The following FGF10 variants were observed in gnomAD, a reference collection of about 807,000 sequenced individuals.
The protein encoded by FGF10 is fibroblast growth factor 10, also known as FGF-10.
A neutral mutation model predicts 19.8 loss-of-function variants in FGF10; 2 were observed. The ratio of observed to expected loss-of-function variants is 0.10; its 90% confidence interval spans 0.04 to 0.32. The LOEUF (loss-of-function observed/expected upper bound fraction) is 0.32. FGF10 is among the 10% of genes least tolerant of loss of function. The pLI is 1.00. For synonymous variants in FGF10, 112 were observed against 94.0 expected (o/e 1.19, Z -1.10); for missense variants, 191 against 246.3 (o/e 0.78, Z 1.50).
chr5:44,337,585 A>G (rs909549812), intron 1 of FGF10, among the ~76,000 whole-genome samples: 2 of 152,212 alleles, frequency 1.3e-5, no homozygotes, highest in African/African-American at 4.8e-5. Context: ...ACATTTTTCT[A>G]TGCGTGAAGC....
chr5:44,368,140 A>G (rs948355384), intron 1 of FGF10, among the ~76,000 whole-genome samples: 16 of 152,094 alleles, frequency 1.1e-4, no homozygotes, highest in African/African-American at 3.1e-4. Context: ...TACTAATTCA[A>G]TCAGAGTGCC....
chr5:44,334,716 C>T (rs1740807925), intron 1 of FGF10, among the ~76,000 whole-genome samples: 1 of 152,062 alleles, frequency 6.6e-6, no homozygotes, highest in African/African-American at 2.4e-5. Context: ...ATGCTCTTTT[C>T]ACTAGCTCTA....
chr5:44,376,995 A>G (rs1377155461), intron 1 of FGF10, among the ~76,000 whole-genome samples: 1 of 152,184 alleles, frequency 6.6e-6, no homozygotes, highest in African/African-American at 2.4e-5. Context: ...TCCCTCTCAC[A>G]TGATACCACC....
intron 1 of FGF10, among the ~76,000 whole-genome samples, chr5:44,375,568 T>C (rs1334354251): frequency 6.6e-6 from 1 of 152,098 alleles, no homozygotes; most frequent in Non-Finnish European, 1.5e-5. Context: ...GAGGGTCTTA[T>C]ATGACATGTG....
intron 1 of FGF10, among the ~76,000 whole-genome samples, chr5:44,381,255 G>A (rs370518251): frequency 2.0e-5 from 3 of 152,102 alleles, no homozygotes; most frequent in African/African-American, 4.8e-5. Flanking sequence ...CTGCAGAATC[G>A]AAATGAGAAG....
intron 1 of FGF10, among the ~76,000 whole-genome samples, chr5:44,319,416 A>G (rs1349290117): frequency 6.6e-6 from 1 of 152,192 alleles, no homozygotes. Flanking sequence ...TTTAAGGAAA[A>G]TAATAAAATG....
At chr5:44,321,938 G>T (rs1467732490) in intron 1 of FGF10, among the ~76,000 whole-genome samples, 1 of 151,980 alleles carries the variant, frequency 6.6e-6, no homozygotes, top group Non-Finnish European at 1.5e-5. Flanking sequence ...AATTTTTGTG[G>T]TTTTAGTAGA....
intron 1 of FGF10, among the ~76,000 whole-genome samples, chr5:44,372,086 C>A (rs1741753416): frequency 6.6e-6 from 1 of 152,260 alleles, no homozygotes; most frequent in Middle Eastern, 3.4e-3. Flanking sequence ...GAAATTTATT[C>A]TCTCACAGTT....
rs368102364 is a variant in FGF10, at chr5:44,387,176, A to G, written c.325+1182T>C. 3.0e-4 allele frequency among the ~76,000 whole-genome samples: 46 copies of G among 152,324 alleles called. No individual in the cohort carries two copies. The South Asian group carries it at 9.5e-3, about 32-fold the overall frequency. On this transcript the variant is annotated intron_variant, in intron 1 of 2. Transcript: ENST00000264664. ...CCTTTCACATAACAATCAATAGTGG[A>G]TGAATAAGTCTCACCACTTGAAAGT...
At chr5:44,372,992 T>C (rs543911527) in intron 1 of FGF10, among the ~76,000 whole-genome samples, 9 of 152,330 alleles carry the variant, frequency 5.9e-5, no homozygotes, top group African/African-American at 2.2e-4. Context: ...AGCTATCATG[T>C]GTTTGCAGCT....
Position 44,342,620 on chromosome 5 carries a change from A to G in FGF10, c.326-32090T>C, listed in dbSNP as rs542928444. Among the ~76,000 whole-genome samples, 10 of 152,006 alleles carry G rather than the reference A, an allele frequency of 6.6e-5. No individual in the cohort carries two copies. The South Asian group carries it at 2.1e-3, about 32-fold the overall frequency. ...ACCACAGGCAGGAGGAAGACAGAGT[A>G]CCCTTACATAAAGGGAATGAAAATA... On this transcript the variant is annotated intron_variant, in intron 1 of 2. Coordinates refer to ENST00000264664, the MANE Select transcript of FGF10 (RefSeq NM_004465.2).
At chr5:44,312,147 T>C (rs138439006) in intron 1 of FGF10, among the ~76,000 whole-genome samples, 1 of 151,994 alleles carries the variant, frequency 6.6e-6, no homozygotes, top group African/African-American at 2.4e-5. Context: ...GAGACATTAT[T>C]TGTGTTTTTT....
chr5:44,305,309 T>A, intron 2 of FGF10, 117 bp from the exon 3 acceptor site: 1 of 860,300 alleles, frequency 1.2e-6, no homozygotes, highest in Non-Finnish European at 1.9e-6. Context: ...CATTTGTACC[T>A]AAGTTGTGCA....
chr5:44,313,531 G>C (rs1395091881), intron 1 of FGF10, among the ~76,000 whole-genome samples: 6 of 150,902 alleles, frequency 4.0e-5, no homozygotes, highest in African/African-American at 7.3e-5. Context: ...ATCTCCCCGT[G>C]TTTCTTACAA....
intron 1 of FGF10, among the ~76,000 whole-genome samples, chr5:44,325,694 T>C (rs989835542): frequency 2.2e-5 from 3 of 136,572 alleles, no homozygotes; most frequent in East Asian, 2.1e-4. Context: ...ATGAGAACAT[T>C]TGGACACAGG....
At chr5:44,344,091 G>A (rs538570957) in intron 1 of FGF10, among the ~76,000 whole-genome samples, 1 of 151,844 alleles carries the variant, frequency 6.6e-6, no homozygotes, top group African/African-American at 2.4e-5. Context: ...CCAGACATAG[G>A]GGCCAACAGA....
At chr5:44,343,891 G>T (rs1360859293) in intron 1 of FGF10, among the ~76,000 whole-genome samples, 3 of 151,920 alleles carry the variant, frequency 2.0e-5, no homozygotes, top group Non-Finnish European at 2.9e-5. Flanking sequence ...TGCAGGAAAA[G>T]AATTAAGGAA....
chr5:44,379,578 C>T (rs1345858436), intron 1 of FGF10, among the ~76,000 whole-genome samples: 1 of 152,200 alleles, frequency 6.6e-6, no homozygotes, highest in East Asian at 1.9e-4. Flanking sequence ...TATCATACCT[C>T]CTCTTTAGCA....
chr5:44,379,258 C>A (rs1741936897), intron 1 of FGF10, among the ~76,000 whole-genome samples: 1 of 152,186 alleles, frequency 6.6e-6, no homozygotes, highest in South Asian at 2.1e-4. Context: ...AGTGTAAGCT[C>A]TATGAGAGCA....
Sources: allele counts gnomAD v4.1 joint callset (sites outside exome capture counted in the v4.1 genomes callset), GRCh38; gene constraint gnomAD v4.1.1; transcripts MANE v1.5; gene names NCBI Gene and HGNC (gene_info 2026-07-23, HGNC 2026-07-21).